Variants in ZNF567 observed in about 807,000 individuals in gnomAD.
ZNF567 encodes zinc finger protein 567.
Under a neutral mutation model 53.9 loss-of-function variants are expected in ZNF567, and 36 were observed. The ratio of observed to expected loss-of-function variants is 0.67; its 90% CI spans 0.51 to 0.88. The LOEUF (loss-of-function observed/expected upper bound fraction) is 0.88, where lower values mean the gene tolerates loss of function less well. Among genes scored for constraint, ZNF567 ranks in the 40% least tolerant of loss-of-function variants. The probability of loss-of-function intolerance (pLI) is 0.00; values close to 1 mark genes in which losing one functional copy is unlikely to be tolerated. For missense variants in ZNF567, 619 were observed against 764.7 expected (o/e 0.81, Z 2.25); for synonymous variants, 224 against 260.4 (o/e 0.86, Z 1.35).
intron 3 of ZNF567, among the ~76,000 whole-genome samples, chr19:36,698,209 A>C (rs1419973017): frequency 2.0e-5 from 3 of 152,074 alleles, no homozygotes; most frequent in Non-Finnish European, 4.4e-5. Flanking sequence ...TTTACGGAGA[A>C]TGATGATTTC....
At position 36,720,446 on chromosome 19, in the gene ZNF567, A is replaced by C. The variant is rs548379978; in HGVS notation, c.1722A>C (p.Ser574=). 6.2e-7 allele frequency: 1 copy of C among 1,614,066 alleles called. No individual in the cohort carries two copies. The highest frequency in any genetic ancestry group is 1.1e-5 in the South Asian group (1 of 91,084). ...GTGGGAAAGCCTTTAGCAGGAAGTC[A>C]TATCTCATTCATCATCAAAGAACTC... ...PQCGKAFSRK[S]YLIHHQRTHT... is the part of the protein sequence containing the mutation. Residue 574 remains serine, a synonymous_variant, in exon 6 of 6, where the codon TCA becomes TCC. Transcript: ENST00000682579.
In ZNF567 at chr19:36,720,795, C is replaced by T. The variant is rs534982408; in HGVS notation, c.*127C>T. The T allele has an allele frequency of 1.0e-4, 83 of 811,746 alleles. No individual in the cohort carries two copies. The East Asian group carries it at 1.1e-3, about 10-fold the overall frequency. The allele number at this position is 811,746 out of a possible 1,614,324, so 50.3% of individuals were successfully genotyped here. A position where few individuals can be genotyped will look rare whatever the true frequency, so the allele number is the denominator to read the frequency against. On this transcript the variant is annotated 3_prime_UTR_variant, in exon 6 of 6. Transcript: ENST00000682579. ...GTCTAATAATTATTAAAGTACCATACGGAATAACTGTCTACTGTTTACTAG... is the reference window on the plus strand; with the variant it reads ...GTCTAATAATTATTAAAGTACCATATGGAATAACTGTCTACTGTTTACTAG...
At chr19:36,671,283 A>C in the ZNF567 span, among the ~76,000 whole-genome samples, 2 of 152,170 alleles carry the variant, frequency 1.3e-5, no homozygotes, top group Non-Finnish European at 2.9e-5. Flanking sequence ...ACCTCACTGA[A>C]ATTCCCAGAG....
At chr19:36,670,768 G>T in the ZNF567 span, among the ~76,000 whole-genome samples, 1 of 152,150 alleles carries the variant, frequency 6.6e-6, no homozygotes, top group African/African-American at 2.4e-5. Flanking sequence ...CATATCGTAA[G>T]TTAGTTCACA....
chr19:36,712,318 G>T, intron 3 of ZNF567, 68 bp from the exon 4 acceptor site: 1 of 1,526,828 alleles, frequency 6.5e-7, no homozygotes, highest in Non-Finnish European at 8.9e-7. Flanking sequence ...AAAGTGCTGG[G>T]ATTACAGGCA....
At chr19:36,727,010 C>CTTTCTTTCTTTCTTTCTTTCTTTCTTT (rs1555809300), downstream of ZNF567, 8 of 123,890 alleles carry the variant, frequency 6.5e-5, no homozygotes, top group East Asian at 2.5e-4. Context: ...TTCTTTCTTT[C>CTTTCTTTCTTTCTTTCTTTCTTTCTTT]CTTTTTTTTT....
Position 36,720,194 on chromosome 19 carries a change from A to G in ZNF567, c.1470A>G (p.Ser490=). The change falls in exon 6 of 6, where the codon TCA becomes TCG. Residue 490 remains serine, a synonymous_variant. Transcript: ENST00000682579. ...PHCGKAFRMK[S]YLIDHHRTHT... ...GTGGGAAGGCCTTTAGAATGAAGTC[A>G]TACCTCATTGATCATCACCGAACTC... is the stretch of plus-strand genomic sequence containing the variant. 1.2e-6 allele frequency: 2 copies of G among 1,614,172 alleles called. No individual in the cohort carries two copies. Among genetic ancestry groups the G allele is most frequent in the Non-Finnish European group, 1.7e-6 (2 of 1,180,026 alleles).
At chr19:36,668,860 A>G in the ZNF567 span, 1 of 152,174 alleles carries the variant, frequency 6.6e-6, no homozygotes, top group Admixed American at 6.5e-5. Context: ...TCAGTGAGAG[A>G]GAAAGTAGAG....
chr19:36,724,004 CTTT>C (rs536627641), downstream of ZNF567, among the ~76,000 whole-genome samples: 108 of 98,332 alleles, frequency 1.1e-3, no homozygotes, highest in African/African-American at 1.1e-3. Context: ...TTCTGTATTT[CTTT>C]TTTTTTTTTT....
At chr19:36,678,997 C>T in the ZNF567 span, among the ~76,000 whole-genome samples, 11 of 150,174 alleles carry the variant, frequency 7.3e-5, no homozygotes, top group African/African-American at 2.7e-4. Flanking sequence ...ATTAAAGCCA[C>T]GATGAGGGGC....
At position 36,712,869 on chromosome 19, in the gene ZNF567, T is replaced by G; in HGVS notation, c.223+2T>G. The G allele has an allele frequency of 2.5e-6, 4 of 1,612,420 alleles. No homozygotes were observed. Among genetic ancestry groups the G allele is most frequent in the Non-Finnish European group, 3.4e-6 (4 of 1,178,996 alleles). On this transcript the variant is annotated splice_donor_variant, in intron 5 of 5. Coordinates refer to ENST00000682579, the MANE Select transcript of ZNF567 (RefSeq NM_001322917.1). LOFTEE classifies it high-confidence loss of function. ...CATTTGCAGGTCATACCTGCTTGGG[T>G]GAGTTTCTGGCTCTTAGGCAGACAC... is the stretch of plus-strand genomic sequence containing the variant.
At chr19:36,700,565 G>T (rs2039125804) in intron 3 of ZNF567, among the ~76,000 whole-genome samples, 3 of 151,228 alleles carry the variant, frequency 2.0e-5, no homozygotes, top group African/African-American at 7.3e-5. Flanking sequence ...GACTCTTTTT[G>T]GTTGGTAAGC....
intron 5 of ZNF567, among the ~76,000 whole-genome samples, chr19:36,715,168 T>C (rs1451122891): frequency 1.3e-5 from 2 of 151,982 alleles, no homozygotes; most frequent in African/African-American, 2.4e-5. Flanking sequence ...ATTTATTTAT[T>C]TATTATTTTT....
the ZNF567 span, chr19:36,669,134 T>C: frequency 6.6e-6 from 1 of 152,158 alleles, no homozygotes; most frequent in Non-Finnish European, 1.5e-5. Context: ...TATATGCAAA[T>C]ACCGTGTTCA....
At chr19:36,697,493 C>T (rs1211667579) in intron 3 of ZNF567, among the ~76,000 whole-genome samples, 1 of 152,096 alleles carries the variant, frequency 6.6e-6, no homozygotes, top group African/African-American at 2.4e-5. Flanking sequence ...CTAGAACCTT[C>T]AGTACAATGT....
chr19:36,678,030 T>A, the ZNF567 span, among the ~76,000 whole-genome samples: 2 of 152,194 alleles, frequency 1.3e-5, no homozygotes, highest in Admixed American at 1.3e-4. Flanking sequence ...GTCCAATTTC[T>A]TTTCCTATAT....
chr19:36,703,926 C>T lies in ZNF567; in HGVS notation c.10-8460C>T, dbSNP rs569856292. On this transcript the variant is annotated intron_variant, in intron 3 of 5. Coordinates refer to ENST00000682579, the MANE Select transcript of ZNF567 (RefSeq NM_001322917.1). ...GCCCTGCTTCGTCTCGCGCATGGTG[C>T]GCTGCACCCACTGTCCTGCGCCCAC... Among the ~76,000 whole-genome samples, 25 of 152,290 alleles carry T rather than the reference C, an allele frequency of 1.6e-4. No homozygotes were observed. In the East Asian group the frequency reaches 3.1e-3, roughly 19 times the overall value.
intron 2 of ZNF567, among the ~76,000 whole-genome samples, chr19:36,690,246 A>G (rs932487098): frequency 2.6e-5 from 4 of 152,222 alleles, no homozygotes; most frequent in African/African-American, 9.6e-5. Context: ...TAAGAGATAC[A>G]AAGGAAGTGA....
chr19:36,700,476 T>G (rs1352130811), intron 3 of ZNF567, among the ~76,000 whole-genome samples: 1 of 150,938 alleles, frequency 6.6e-6, no homozygotes, highest in Admixed American at 6.6e-5. Context: ...TTCTATTGAT[T>G]GGAATAGTTT....
Sources: allele counts gnomAD v4.1 joint callset (sites outside exome capture counted in the v4.1 genomes callset), GRCh38; gene constraint gnomAD v4.1.1; transcripts MANE v1.5; gene names NCBI Gene and HGNC (gene_info 2026-07-23, HGNC 2026-07-21).